PPM1H: variants seen among roughly 807,000 people sequenced by gnomAD.
PPM1H encodes protein phosphatase, Mg2+/Mn2+ dependent 1H.
In PPM1H, 27 loss-of-function variants were observed where a neutral mutation model predicts 54.9. That is an observed-to-expected ratio of 0.49 (90% CI 0.36 to 0.68). The LOEUF (loss-of-function observed/expected upper bound fraction) is 0.68, where lower values mean the gene tolerates loss of function less well. PPM1H is among the 30% of genes least tolerant of loss of function. PPM1H has a pLI of 0.00. For synonymous variants in PPM1H, 305 were observed against 270.8 expected (o/e 1.13, Z -1.24); for missense variants, 596 against 667.8 (o/e 0.89, Z 1.19).
intron 6 of PPM1H, among the ~76,000 whole-genome samples, chr12:62,713,476 G>A (rs2076218577): frequency 6.6e-6 from 1 of 152,144 alleles, no homozygotes; most frequent in African/African-American, 2.4e-5. Flanking sequence ...GCTGGATGCA[G>A]CTTCTTGGTG....
intron 6 of PPM1H, among the ~76,000 whole-genome samples, chr12:62,695,494 T>C (rs564860020): frequency 6.6e-6 from 1 of 152,316 alleles, no homozygotes; most frequent in Non-Finnish European, 1.5e-5. Context: ...AGAGGTATTC[T>C]AGGAATTGAA....
At chr12:62,923,465 G>T (rs1397109113) in intron 1 of PPM1H, among the ~76,000 whole-genome samples, 1 of 152,072 alleles carries the variant, frequency 6.6e-6, no homozygotes, top group African/African-American at 2.4e-5. Flanking sequence ...GCAATGGCGC[G>T]ATCTCGGCTC....
At chr12:62,859,876 C>T (rs923868606) in intron 1 of PPM1H, among the ~76,000 whole-genome samples, 1 of 152,128 alleles carries the variant, frequency 6.6e-6, no homozygotes, top group African/African-American at 2.4e-5. Flanking sequence ...TCTTAAGAGA[C>T]ATTCAAGAGT....
intron 7 of PPM1H, among the ~76,000 whole-genome samples, chr12:62,690,384 T>C (rs1430489774): frequency 1.3e-5 from 2 of 152,152 alleles, no homozygotes; most frequent in Non-Finnish European, 2.9e-5. Context: ...AAGAAACTTA[T>C]CAACTCTATA....
chr12:62,670,510 A>G (rs1333940226), intron 8 of PPM1H, among the ~76,000 whole-genome samples: 1 of 152,054 alleles, frequency 6.6e-6, no homozygotes, highest in Non-Finnish European at 1.5e-5. Context: ...AGGGTGCCAA[A>G]CCCTCTTTAA....
At chr12:62,782,072 G>T (rs2076646177) in intron 4 of PPM1H, among the ~76,000 whole-genome samples, 1 of 152,132 alleles carries the variant, frequency 6.6e-6, no homozygotes, top group Admixed American at 6.5e-5. Flanking sequence ...GAGGAATAGT[G>T]TATTTAATAT....
intron 1 of PPM1H, among the ~76,000 whole-genome samples, chr12:62,835,743 C>A (rs993066858): frequency 1.3e-5 from 2 of 151,820 alleles, no homozygotes; most frequent in African/African-American, 4.8e-5. Context: ...AAAAAAAATG[C>A]CACAACTCTT....
At chr12:62,687,050 C>A (rs7971815) in intron 8 of PPM1H, among the ~76,000 whole-genome samples, 14 of 152,130 alleles carry the variant, frequency 9.2e-5, no homozygotes, top group Non-Finnish European at 1.9e-4. Context: ...GACTCCTCTC[C>A]GGAAATGTGG....
intron 8 of PPM1H, among the ~76,000 whole-genome samples, chr12:62,685,164 T>G (rs561835629): frequency 6.6e-6 from 1 of 152,134 alleles, no homozygotes; most frequent in Non-Finnish European, 1.5e-5. Flanking sequence ...AGTGTTACTT[T>G]GCACAATTCT....
chr12:62,646,880 A>G lies in PPM1H; in HGVS notation c.*1609T>C, dbSNP rs1459219409. ...TTACTGCCCTGGAGGAGAGGTTCCT[A>G]TCCTCTCCTCTGGGAAGAAATTCAA... On this transcript the variant is annotated 3_prime_UTR_variant, in exon 10 of 10. Coordinates refer to ENST00000228705, the MANE Select transcript of PPM1H (RefSeq NM_020700.2). The G allele has an allele frequency of 6.6e-6, 1 of 152,162 alleles. No homozygotes were observed. The highest frequency in any genetic ancestry group is 1.5e-5 in the Non-Finnish European group (1 of 68,038). 9.4% of individuals were successfully genotyped at this position (152,162 alleles called of 1,614,324 possible). A position where few individuals can be genotyped will look rare whatever the true frequency, so the allele number is the denominator to read the frequency against.
At chr12:62,670,857 C>T (rs774379859) in intron 8 of PPM1H, among the ~76,000 whole-genome samples, 4 of 152,190 alleles carry the variant, frequency 2.6e-5, no homozygotes, top group South Asian at 4.1e-4. Flanking sequence ...GAGGTTTTTA[C>T]AACCACCCTC....
chr12:62,911,847 G>T (rs1695032), intron 1 of PPM1H, among the ~76,000 whole-genome samples: 1 of 151,900 alleles, frequency 6.6e-6, no homozygotes, highest in South Asian at 2.1e-4. Flanking sequence ...AACACTGGTT[G>T]GTTAGCCCTC....
chr12:62,924,883 A>G (rs572455133), intron 1 of PPM1H, among the ~76,000 whole-genome samples: 2 of 152,192 alleles, frequency 1.3e-5, no homozygotes, highest in East Asian at 3.9e-4. Flanking sequence ...CTCTACCAAA[A>G]ATACAAAAAA....
At chr12:62,926,343 C>A (rs2121180450) in intron 1 of PPM1H, among the ~76,000 whole-genome samples, 1 of 152,226 alleles carries the variant, frequency 6.6e-6, no homozygotes, top group East Asian at 1.9e-4. Flanking sequence ...CCCACCACCC[C>A]AAAGTTAGCT....
chr12:62,710,537 T>TAAAA lies in PPM1H; in HGVS notation c.1073+9630_1073+9633dup, dbSNP rs35445574. Among the ~76,000 whole-genome samples, 790 of 130,202 alleles carry TAAAA rather than the reference T, an allele frequency of 6.1e-3. 11 individuals are homozygous for TAAAA. Among genetic ancestry groups the TAAAA allele is most frequent in the African/African-American group, 0.022 (758 of 34,570 alleles). 85.4% of individuals were successfully genotyped at this position (130,202 alleles called of 152,430 possible). On this transcript the variant is annotated intron_variant, in intron 6 of 9. Transcript: ENST00000228705. Reference sequence around the variant, plus strand: ...ACAGAGTGGAGTGAGACTGTCTCTTTAAAAAAAAAAAAAAAAAAGTCCCCA... The same window carrying TAAAA: ...ACAGAGTGGAGTGAGACTGTCTCTTTAAAAAAAAAAAAAAAAAAAAAAGTCCCCA...
chr12:62,838,221 T>C (rs1251922004), intron 1 of PPM1H, among the ~76,000 whole-genome samples: 1 of 152,062 alleles, frequency 6.6e-6, no homozygotes. Context: ...GTGTTCATAC[T>C]GGTTAGCAGA....
At chr12:62,694,854 G>A (rs2076105104) in intron 6 of PPM1H, among the ~76,000 whole-genome samples, 1 of 152,176 alleles carries the variant, frequency 6.6e-6, no homozygotes, top group Non-Finnish European at 1.5e-5. Context: ...CCACTTAGTG[G>A]CAGTTATTAC....
At chr12:62,796,739 A>T (rs1364240990) in intron 3 of PPM1H, among the ~76,000 whole-genome samples, 1 of 152,146 alleles carries the variant, frequency 6.6e-6, no homozygotes, top group Non-Finnish European at 1.5e-5. Flanking sequence ...CTCCCCTCTC[A>T]TGAGGTTGAG....
chr12:62,870,417 G>A (rs1454100804), intron 1 of PPM1H, among the ~76,000 whole-genome samples: 2 of 152,188 alleles, frequency 1.3e-5, no homozygotes, highest in African/African-American at 2.4e-5. Flanking sequence ...GAGGCTGACT[G>A]TAGGTAGGGA....
Sources: allele counts gnomAD v4.1 joint callset (sites outside exome capture counted in the v4.1 genomes callset), GRCh38; gene constraint gnomAD v4.1.1; transcripts MANE v1.5; gene names NCBI Gene and HGNC (gene_info 2026-07-23, HGNC 2026-07-21).